The following CAMKMT variants were observed in gnomAD, a reference collection of about 807,000 sequenced individuals.
CAMKMT encodes calmodulin-lysine N-methyltransferase, also known as CaM KMT.
CAMKMT carries 53 observed loss-of-function variants against 48.0 expected under a neutral mutation model. The observed-to-expected ratio is 1.10, with a 90% CI of 0.89 to 1.39. The LOEUF (loss-of-function observed/expected upper bound fraction) is 1.39. Ranked by LOEUF, CAMKMT falls within the 40% of genes most tolerant of loss-of-function variation. CAMKMT has a pLI of 0.00. For missense variants in CAMKMT, 428 were observed against 402.7 expected (o/e 1.06, Z -0.54); for synonymous variants, 165 against 152.3 (o/e 1.08, Z -0.61).
intron 3 of CAMKMT, among the ~76,000 whole-genome samples, chr2:44,486,040 C>T (rs1669200183): frequency 6.6e-6 from 1 of 152,200 alleles, no homozygotes; most frequent in Admixed American, 6.5e-5. Context: ...TCTCAGCCCA[C>T]TGCAACCTCT....
chr2:44,704,506 GT>G (rs1457359728), intron 4 of CAMKMT, among the ~76,000 whole-genome samples, 163 bp downstream of exon 4: 1 of 152,120 alleles, frequency 6.6e-6, no homozygotes, highest in African/African-American at 2.4e-5. Flanking sequence ...AAAGTTCACA[GT>G]GAACACATGT....
At chr2:44,560,414 C>T (rs926262923) in intron 3 of CAMKMT, among the ~76,000 whole-genome samples, 2 of 152,196 alleles carry the variant, frequency 1.3e-5, no homozygotes, top group Non-Finnish European at 2.9e-5. Context: ...ACTACAGGAG[C>T]ATACCACTAT....
At chr2:44,686,364 G>T (rs1186495826) in intron 3 of CAMKMT, among the ~76,000 whole-genome samples, 1 of 147,784 alleles carries the variant, frequency 6.8e-6, no homozygotes, top group East Asian at 2.0e-4. Flanking sequence ...CTGCACTCCA[G>T]CCTGGGCAAC....
intron 9 of CAMKMT, among the ~76,000 whole-genome samples, chr2:44,760,799 A>G (rs1680586552): frequency 6.6e-6 from 1 of 152,114 alleles, no homozygotes; most frequent in African/African-American, 2.4e-5. Flanking sequence ...GCTTGAAAGC[A>G]ATGAAGCTCC....
intron 3 of CAMKMT, chr2:44,676,622 G>C (rs546780377): frequency 1.3e-5 from 2 of 152,304 alleles, no homozygotes; most frequent in South Asian, 2.1e-4. Context: ...CTGCAGAAGG[G>C]GTCCTACAGT....
chr2:44,397,788 T>C (rs941887519), intron 3 of CAMKMT, among the ~76,000 whole-genome samples: 1 of 152,172 alleles, frequency 6.6e-6, no homozygotes. Context: ...AACCACAGAA[T>C]TGGAATGATT....
chr2:44,536,957 TATG>T (rs1470756223), intron 3 of CAMKMT, among the ~76,000 whole-genome samples: 2 of 152,170 alleles, frequency 1.3e-5, no homozygotes, highest in Admixed American at 1.3e-4. Context: ...TGGATATTTA[TATG>T]CAGAAGAATG....
Position 44,772,163 on chromosome 2 carries a change from A to AT in CAMKMT, c.*55dup. 6.6e-7 allele frequency: 1 copy of AT among 1,510,566 alleles called. No individual in the cohort carries two copies. The highest frequency in any genetic ancestry group is 1.2e-5 in the South Asian group (1 of 86,744). 93.6% of individuals were successfully genotyped at this position (1,510,566 alleles called of 1,614,324 possible). ...GAAACGTATCAAGTGCATAGGGAAT[A>AT]TTTTTACAAAAACGGAAATCTGTAA... is the stretch of plus-strand genomic sequence containing the variant. On this transcript the variant is annotated 3_prime_UTR_variant, in exon 11 of 11. Coordinates refer to ENST00000378494, the MANE Select transcript of CAMKMT (RefSeq NM_024766.5).
At chr2:44,512,915 C>T (rs1670641595) in intron 3 of CAMKMT, among the ~76,000 whole-genome samples, 2 of 152,024 alleles carry the variant, frequency 1.3e-5, no homozygotes, top group Non-Finnish European at 2.9e-5. Context: ...GTATGCTGTC[C>T]CCCATCTGTA....
chr2:44,400,934 AT>A (rs1682316762), intron 3 of CAMKMT: 1 of 81,900 alleles, frequency 1.2e-5, no homozygotes, highest in Admixed American at 1.0e-4. Flanking sequence ...GTGTGTGTAT[AT>A]ATATATATAT....
intron 2 of CAMKMT, among the ~76,000 whole-genome samples, chr2:44,385,240 G>A: frequency 6.6e-6 from 1 of 150,740 alleles, no homozygotes. Context: ...TTTTTTTGCA[G>A]CTGTTGCAAA....
intron 8 of CAMKMT, 31 bp downstream of exon 8, chr2:44,743,727 T>C: frequency 6.5e-7 from 1 of 1,549,772 alleles, no homozygotes; most frequent in Non-Finnish European, 8.9e-7. Flanking sequence ...AAACTCCTGT[T>C]AGAAAAAAAT....
At chr2:44,397,625 C>G (rs912667809) in intron 3 of CAMKMT, among the ~76,000 whole-genome samples, 1 of 151,544 alleles carries the variant, frequency 6.6e-6, no homozygotes, top group Non-Finnish European at 1.5e-5. Flanking sequence ...TAAACAGAGC[C>G]CTACACGTTT....
intron 3 of CAMKMT, among the ~76,000 whole-genome samples, chr2:44,646,272 T>C (rs934745447): frequency 2.0e-5 from 3 of 152,064 alleles, no homozygotes; most frequent in Non-Finnish European, 4.4e-5. Context: ...ATACTTCAAC[T>C]CAGATTGGCT....
intron 3 of CAMKMT, among the ~76,000 whole-genome samples, chr2:44,699,347 C>T (rs1677136561): frequency 6.6e-6 from 1 of 152,168 alleles, no homozygotes; most frequent in Admixed American, 6.6e-5. Flanking sequence ...AGAATGGATG[C>T]TGTGTTAGCA....
chr2:44,772,030 T>G lies in CAMKMT; in HGVS notation c.895-6T>G, dbSNP rs375248578. On this transcript the variant is annotated splice_polypyrimidine_tract_variant and splice_region_variant and intron_variant, in intron 10 of 10. Transcript: ENST00000378494. ...CTTACCTTTTTCTTTCTATTATTGTTTTCAGTTGAAAAAGGAAAACCCGGA... is the reference window on the plus strand; with the variant it reads ...CTTACCTTTTTCTTTCTATTATTGTGTTCAGTTGAAAAAGGAAAACCCGGA... 1.2e-5 allele frequency: 20 copies of G among 1,606,466 alleles called. No homozygotes were observed. The highest frequency in any genetic ancestry group is 1.4e-5 in the Non-Finnish European group (17 of 1,174,204).
intron 3 of CAMKMT, among the ~76,000 whole-genome samples, chr2:44,480,577 C>T (rs955308990): frequency 6.6e-6 from 1 of 152,064 alleles, no homozygotes; most frequent in Non-Finnish European, 1.5e-5. Context: ...GTATTATGAT[C>T]GTTTACTCAA....
intron 3 of CAMKMT, among the ~76,000 whole-genome samples, chr2:44,566,258 A>G (rs921354483): frequency 6.6e-6 from 1 of 152,168 alleles, no homozygotes. Context: ...TAGCATGATG[A>G]AGCAGCAAGC....
At chr2:44,741,192 C>A (rs1047938290) in intron 7 of CAMKMT, among the ~76,000 whole-genome samples, 35 of 152,350 alleles carry the variant, frequency 2.3e-4, no homozygotes, top group Admixed American at 8.5e-4. Context: ...AAGTATTGGT[C>A]TGCAACAGAT....
Sources: allele counts gnomAD v4.1 joint callset (sites outside exome capture counted in the v4.1 genomes callset), GRCh38; gene constraint gnomAD v4.1.1; transcripts MANE v1.5; gene names NCBI Gene and HGNC (gene_info 2026-07-23, HGNC 2026-07-21).